Variants in ZGRF1 observed in about 807,000 individuals in gnomAD.
ZGRF1 encodes the protein zinc finger GRF-type containing 1.
In ZGRF1, 196 loss-of-function variants were observed where a neutral mutation model predicts 203.5. The observed-to-expected ratio is 0.96, with a 90% CI of 0.86 to 1.08. The LOEUF (loss-of-function observed/expected upper bound fraction) is 1.08, where lower values mean the gene tolerates loss of function less well. Among genes scored for constraint, ZGRF1 ranks in the 50% least tolerant of loss-of-function variants. ZGRF1 has a pLI of 0.00. For synonymous variants in ZGRF1, 809 were observed against 841.3 expected, an observed-to-expected ratio of 0.96 and a Z score of 0.66; for missense variants, 2,326 against 2,416.3, an observed-to-expected ratio of 0.96 and a Z score of 0.78.
rs1243472807 is a variant in ZGRF1, at chr4:112,540,864, G to C, written c.5867C>G (p.Ser1956Cys). ...GTATAATGTTATCACACCAATCATAGAGCCTGCTATTCCACTTGCAATCAG... is the reference window on the plus strand; with the variant it reads ...GTATAATGTTATCACACCAATCATACAGCCTGCTATTCCACTTGCAATCAG... ...QSLIASGIAG[S>C]MIGVITLYKS... Residue 1956 changes from serine to cysteine, a missense_variant, in exon 26 of 28, where the codon TCT (serine) becomes TGT (cysteine). Coordinates refer to ENST00000505019, the MANE Select transcript of ZGRF1 (RefSeq NM_018392.5). The C allele has an allele frequency of 3.8e-6, 6 of 1,594,340 alleles. No homozygotes were observed. Among genetic ancestry groups the C allele is most frequent in the East Asian group, 4.5e-5 (2 of 44,300 alleles).
In ZGRF1 at chr4:112,618,685, C is replaced by T; in HGVS notation, c.1357G>A (p.Val453Ile). The T allele has an allele frequency of 1.2e-6, 2 of 1,612,518 alleles. No individual in the cohort carries two copies. Among genetic ancestry groups the T allele is most frequent in the Non-Finnish European group, 1.7e-6 (2 of 1,179,660 alleles). Residue 453 changes from valine to isoleucine, a missense_variant, in exon 6 of 28, where the codon GTT becomes ATT. Transcript: ENST00000505019. Reference protein sequence around the residue: ...QNDKGCIKGSVLIKENAQEVN... With the variant: ...QNDKGCIKGSILIKENAQEVN... ...TCCTGAGCATTTTCTTTAATGAGAA[C>T]TGATCCTTTAATGCACCCCTTGTCA...
At chr4:112,550,087 G>A in intron 22 of ZGRF1, among the ~76,000 whole-genome samples, 1 of 152,056 alleles carries the variant, frequency 6.6e-6, no homozygotes, top group Non-Finnish European at 1.5e-5. Flanking sequence ...AGCTACTTGG[G>A]AGGCTGAGGC....
At chr4:112,629,565 G>C (rs758750362) in intron 3 of ZGRF1, among the ~76,000 whole-genome samples, 5 of 152,032 alleles carry the variant, frequency 3.3e-5, no homozygotes, top group Non-Finnish European at 5.9e-5. Flanking sequence ...AGCTACTTGG[G>C]ATGCTGAGGT....
At chr4:112,543,788 AT>A (rs1242420258) in intron 24 of ZGRF1, among the ~76,000 whole-genome samples, 2 of 152,170 alleles carry the variant, frequency 1.3e-5, no homozygotes, top group Non-Finnish European at 2.9e-5. Context: ...TTCCGCTTGA[AT>A]TTTGAACCAT....
chr4:112,617,261 G>A (rs528595980), intron 6 of ZGRF1, among the ~76,000 whole-genome samples, 179 bp downstream of exon 6: 45 of 152,162 alleles, frequency 3.0e-4, no homozygotes, highest in Admixed American at 5.2e-4. Flanking sequence ...AAGGGATGTG[G>A]TTGGATGGGG....
intron 3 of ZGRF1, 135 bp downstream of exon 3, chr4:112,631,795 C>G: frequency 2.1e-6 from 1 of 471,484 alleles, no homozygotes; most frequent in Non-Finnish European, 3.8e-6. Context: ...ATATGGGGAT[C>G]ATTTGAAAAT....
intron 10 of ZGRF1, among the ~76,000 whole-genome samples, chr4:112,601,884 T>G (rs1230113872): frequency 6.6e-6 from 1 of 152,026 alleles, no homozygotes; most frequent in Non-Finnish European, 1.5e-5. Flanking sequence ...CCAGAAAATT[T>G]TTTAAAAGAT....
intron 6 of ZGRF1, 59 bp from the exon 7 acceptor site, chr4:112,612,647 T>C (rs2046728307): frequency 1.8e-6 from 2 of 1,086,452 alleles, no homozygotes; most frequent in Admixed American, 2.2e-5. Flanking sequence ...CTCTAAAATT[T>C]AACTTATTCC....
At chr4:112,564,623 A>G (rs1404295364) in intron 16 of ZGRF1, among the ~76,000 whole-genome samples, 1 of 152,228 alleles carries the variant, frequency 6.6e-6, no homozygotes, top group East Asian at 1.9e-4. Context: ...TTCACTTTTA[A>G]CTGTATATAT....
At chr4:112,621,731 A>ATTTTTT (rs74975594) in intron 4 of ZGRF1, among the ~76,000 whole-genome samples, 2 of 148,874 alleles carry the variant, frequency 1.3e-5, no homozygotes. Flanking sequence ...TAATGAAATG[A>ATTTTTT]TTTTTTTTTC....
intron 16 of ZGRF1, among the ~76,000 whole-genome samples, chr4:112,570,028 T>A (rs1024051534): frequency 1.3e-5 from 2 of 152,002 alleles, no homozygotes; most frequent in Non-Finnish European, 2.9e-5. Context: ...CCCTAATATA[T>A]AAGATGCAAA....
intron 4 of ZGRF1, 121 bp downstream of exon 4, chr4:112,623,696 A>G (rs2047136695): frequency 1.6e-6 from 1 of 616,746 alleles, no homozygotes; most frequent in African/African-American, 1.9e-5. Flanking sequence ...AAGTCTAGCT[A>G]TAATGTTCAA....
intron 24 of ZGRF1, among the ~76,000 whole-genome samples, chr4:112,542,598 G>A (rs1363739586): frequency 6.6e-6 from 1 of 151,878 alleles, no homozygotes. Context: ...TTTTTGTTTT[G>A]TTTTTACCTT....
chr4:112,632,056 T>A (rs1448318293), intron 2 of ZGRF1, 46 bp from the exon 3 acceptor site: 1 of 957,852 alleles, frequency 1.0e-6, no homozygotes, highest in Non-Finnish European at 1.5e-6. Context: ...TTATATATAT[T>A]TAATGTTATG....
intron 27 of ZGRF1, 63 bp from the exon 28 acceptor site, chr4:112,539,752 T>C: frequency 6.4e-7 from 1 of 1,557,320 alleles, no homozygotes. Context: ...AATATTATCA[T>C]GTCAGTTACT....
chr4:112,560,018 T>C (rs1157685515), intron 19 of ZGRF1, among the ~76,000 whole-genome samples: 1 of 152,224 alleles, frequency 6.6e-6, no homozygotes, highest in Non-Finnish European at 1.5e-5. Flanking sequence ...GAGAGTCACT[T>C]AATCTTGAGA....
At position 112,612,574 on chromosome 4, in the gene ZGRF1, TA is replaced by T; in HGVS notation, c.2616del (p.Phe872LeufsTer4). 1 of 1,602,112 alleles carries T rather than the reference TA, an allele frequency of 6.2e-7. No individual in the cohort carries two copies. Among genetic ancestry groups the T allele is most frequent in the Non-Finnish European group, 8.5e-7 (1 of 1,170,566 alleles). ...PDSPPEVRKP[F>X]ITVVSPKSPH... is the part of the protein sequence containing the mutation. ...GGAGACTTTGGTGAAACTACTGTAA[TA>T]AATGGTTTCCTCACTGTAATGGAGA... On this transcript the variant is annotated frameshift_variant, in exon 7 of 28. Transcript: ENST00000505019. LOFTEE classifies it high-confidence loss of function.
rs776451698 is a variant in ZGRF1 at position 112,618,632 on chromosome 4, C to A, written c.1410G>T (p.Lys470Asn). The stretch of plus-strand genomic sequence containing the variant: ...GAGATGACTCTGATTGTTCATACTC[C>A]TTTTCCAGTGTTCCACATGTATTTA... ...QEVNTCGTLE[K>N]EYEQSESSLP... is the part of the protein sequence containing the mutation. The change falls in exon 6 of 28, where the codon AAG becomes AAT. Residue 470 changes from lysine to asparagine, a missense_variant. Transcript: ENST00000505019. 3 of 1,613,348 alleles carry A rather than the reference C, an allele frequency of 1.9e-6. No individual in the cohort carries two copies. Among genetic ancestry groups the A allele is most frequent in the Non-Finnish European group, 1.7e-6 (2 of 1,179,652 alleles).
At chr4:112,562,658 C>T (rs1742226778) in intron 17 of ZGRF1, among the ~76,000 whole-genome samples, 173 bp from the exon 18 acceptor site, 1 of 152,182 alleles carries the variant, frequency 6.6e-6, no homozygotes, top group Non-Finnish European at 1.5e-5. Flanking sequence ...AATTACTATG[C>T]TATCTGCTCA....
Sources: allele counts gnomAD v4.1 joint callset (sites outside exome capture counted in the v4.1 genomes callset), GRCh38; gene constraint gnomAD v4.1.1; transcripts MANE v1.5; gene names NCBI Gene and HGNC (gene_info 2026-07-23, HGNC 2026-07-21).